Variants in GRAP2 observed in about 807,000 individuals in gnomAD.
GRAP2 encodes the protein GRB2-related adapter protein 2.
GRAP2 carries 31 observed loss-of-function variants against 43.5 expected under a neutral mutation model. That is an observed-to-expected ratio of 0.71 (90% CI 0.54 to 0.96). GRAP2 has a LOEUF of 0.96. Ranked by LOEUF, GRAP2 falls within the 40% of genes least tolerant of loss-of-function variation. GRAP2 has a pLI of 0.00. For missense variants in GRAP2, 371 were observed against 424.4 expected (o/e 0.87, Z 1.11); for synonymous variants, 156 against 164.8 (o/e 0.95, Z 0.41).
intron 2 of GRAP2, among the ~76,000 whole-genome samples, chr22:39,949,051 T>A (rs2066954267): frequency 1.3e-5 from 2 of 152,198 alleles, no homozygotes; most frequent in Non-Finnish European, 2.9e-5. Context: ...GCTCTGGCCT[T>A]GCTCTTGAAC....
intron 1 of GRAP2, among the ~76,000 whole-genome samples, chr22:39,939,481 G>A (rs910605543): frequency 6.9e-6 from 1 of 144,886 alleles, no homozygotes; most frequent in African/African-American, 2.6e-5. Context: ...AGAATAGCAT[G>A]AACCCGGGAG....
At chr22:39,894,972 C>T in the GRAP2 span, among the ~76,000 whole-genome samples, 1,050 of 152,162 alleles carry the variant, frequency 6.9e-3, 14 homozygotes, top group African/African-American at 0.023. Flanking sequence ...TAGAGGAGGA[C>T]GTAAGAGGCA....
At position 39,955,884 on chromosome 22, in the gene GRAP2, G is replaced by A; in HGVS notation, c.144G>A (p.Lys48=). The A allele has an allele frequency of 6.4e-7, 1 of 1,560,720 alleles. No homozygotes were observed. The highest frequency in any genetic ancestry group is 1.1e-5 in the South Asian group (1 of 90,062). ...ELGSQEGYVP[K]NFIDIQFPKW... ...GGAGCCAGGAAGGATATGTGCCCAAGAATTTCATAGACATCCAGTTTCCCA... is the reference window on the plus strand; with the variant it reads ...GGAGCCAGGAAGGATATGTGCCCAAAAATTTCATAGACATCCAGTTTCCCA... The change falls in exon 3 of 8, where the codon AAG becomes AAA. Residue 48 remains lysine (K), a synonymous_variant. Coordinates refer to ENST00000344138, the MANE Select transcript of GRAP2 (RefSeq NM_004810.4).
At chr22:39,894,402 C>T in the GRAP2 span, among the ~76,000 whole-genome samples, 1 of 115,922 alleles carries the variant, frequency 8.6e-6, no homozygotes, top group Non-Finnish European at 1.6e-5. Flanking sequence ...GAACATCACA[C>T]TCTGGGGACT....
Position 39,970,924 on chromosome 22 carries a change from C to T in GRAP2, c.833C>T (p.Ala278Val), listed in dbSNP as rs761211125. The T allele has an allele frequency of 9.1e-5, 146 of 1,609,200 alleles. No individual in the cohort carries two copies. In the East Asian group the frequency reaches 3.1e-3, roughly 34 times the overall value. The change falls in exon 8 of 8, where the codon GCG (alanine) becomes GTG (valine). Residue 278 changes from alanine to valine, a missense_variant. Physicochemically the swap from Ala to Val is moderately conservative, Grantham distance 64 (BLOSUM62 0). Transcript: ENST00000344138. ...CAACAGCGAGTGCGGTGGGCCCGGG[C>T]GCTGTATGACTTTGAGGCCCTGGAG... ...QAAGRVRWAR[A>V]LYDFEALEDD...
intron 1 of GRAP2, among the ~76,000 whole-genome samples, chr22:39,906,515 G>C (rs1348284146): frequency 6.6e-6 from 1 of 151,910 alleles, no homozygotes; most frequent in Non-Finnish European, 1.5e-5. Flanking sequence ...AAGCTCTCAA[G>C]TGTAATTTTC....
At position 39,968,274 on chromosome 22, in the gene GRAP2, T is replaced by C; in HGVS notation, c.690+2T>C. ...CTGCAGCACCACCATTTCCACCAGG[T>C]ATCTGGAAAGAAGGCAGTGGGCACA... is the stretch of plus-strand genomic sequence containing the variant. On this transcript the variant is annotated splice_donor_variant, in intron 6 of 7. Coordinates refer to ENST00000344138, the MANE Select transcript of GRAP2 (RefSeq NM_004810.4). LOFTEE classifies it high-confidence loss of function. 6.2e-7 allele frequency: 1 copy of C among 1,613,104 alleles called. No homozygotes were observed. The highest frequency in any genetic ancestry group is 8.5e-7 in the Non-Finnish European group (1 of 1,179,368).
intron 1 of GRAP2, among the ~76,000 whole-genome samples, chr22:39,903,470 T>G: frequency 6.9e-6 from 1 of 144,226 alleles, no homozygotes; most frequent in Non-Finnish European, 1.5e-5. Context: ...CACAGCCTCA[T>G]GAGTCTTTTT....
intron 4 of GRAP2, chr22:39,960,424 G>A (rs546282246): frequency 2.6e-4 from 117 of 442,812 alleles, no homozygotes; most frequent in African/African-American, 2.2e-3. Flanking sequence ...TTCTAGCCCA[G>A]GTGCTTCTGG....
intron 4 of GRAP2, chr22:39,964,361 G>C: frequency 1.4e-6 from 1 of 717,446 alleles, no homozygotes; most frequent in Non-Finnish European, 2.5e-6. Context: ...TCTGGGGAAG[G>C]GGCGGCAGGC....
intron 1 of GRAP2, among the ~76,000 whole-genome samples, chr22:39,939,802 G>A (rs1173689359): frequency 6.6e-6 from 1 of 151,756 alleles, no homozygotes; most frequent in Non-Finnish European, 1.5e-5. Flanking sequence ...TCAGCTACTC[G>A]GGAAGCTGAG....
chr22:39,923,947 C>T (rs1601700145), intron 1 of GRAP2, among the ~76,000 whole-genome samples: 2 of 152,272 alleles, frequency 1.3e-5, no homozygotes, highest in Non-Finnish European at 2.9e-5. Context: ...GATTTAATGC[C>T]AGTTCCTCTT....
At chr22:39,950,393 C>T (rs1013077006) in intron 2 of GRAP2, among the ~76,000 whole-genome samples, 2 of 152,170 alleles carry the variant, frequency 1.3e-5, no homozygotes, top group African/African-American at 2.4e-5. Context: ...GCCTTTGCCC[C>T]GTGGGATCCT....
Position 39,960,049 on chromosome 22 carries a change from C to T in GRAP2, c.171-6C>T, listed in dbSNP as rs1409260235. On this transcript the variant is annotated splice_region_variant and splice_polypyrimidine_tract_variant and intron_variant, in intron 3 of 7. Coordinates refer to ENST00000344138, the MANE Select transcript of GRAP2 (RefSeq NM_004810.4). ...CTGATCCTTTTGTTTGATCTCGCCC[C>T]CACAGATGGTTTCACGAAGGCCTCT... 6.2e-7 allele frequency: 1 copy of T among 1,613,670 alleles called. No homozygotes were observed. The highest frequency in any genetic ancestry group is 8.5e-7 in the Non-Finnish European group (1 of 1,179,604).
At chr22:39,911,380 A>AGG in intron 1 of GRAP2, among the ~76,000 whole-genome samples, 5 of 151,478 alleles carry the variant, frequency 3.3e-5, no homozygotes, top group African/African-American at 1.2e-4. Context: ...TCTTCCCTCC[A>AGG]TCACCTCCCC....
At chr22:39,921,911 T>C (rs2066656087) in intron 1 of GRAP2, among the ~76,000 whole-genome samples, 1 of 152,122 alleles carries the variant, frequency 6.6e-6, no homozygotes, top group Admixed American at 6.5e-5. Context: ...GCTCAAGCAA[T>C]CCTCCAGCCT....
chr22:39,973,168 C>T lies in GRAP2; in HGVS notation c.*2084C>T, dbSNP rs1305368234. ...AAGCCATAAGTAATGTTTGATTTTA[C>T]AGTATTTACAAACCATATGCTTTAA... On this transcript the variant is annotated 3_prime_UTR_variant, in exon 8 of 8. Coordinates refer to ENST00000344138, the MANE Select transcript of GRAP2 (RefSeq NM_004810.4). The T allele has an allele frequency of 6.6e-6, 1 of 152,230 alleles. No individual in the cohort carries two copies. The highest frequency in any genetic ancestry group is 2.4e-5 in the African/African-American group (1 of 41,424). The allele number at this position is 152,230 out of a possible 1,614,324, so 9.4% of individuals were successfully genotyped here.
chr22:39,902,826 CAT>C (rs969879414), intron 1 of GRAP2, among the ~76,000 whole-genome samples: 3 of 152,188 alleles, frequency 2.0e-5, no homozygotes, highest in Admixed American at 6.5e-5. Context: ...AATGAGTTAA[CAT>C]AGATATGAAG....
rs367728516 is a variant in GRAP2 at position 39,966,075 on chromosome 22, A to G, written c.376A>G (p.Asn126Asp). ...FLWTEKFPSLNKLVDYYRTNS... is the reference protein window; with the variant it reads ...FLWTEKFPSLDKLVDYYRTNS... The stretch of plus-strand genomic sequence containing the variant: ...GTGGACTGAGAAGTTTCCATCCCTA[A>G]ATAAGCTGGTAGACTACTACAGGAC... The change falls in exon 5 of 8, where the codon AAT (asparagine) becomes GAT (aspartate). Residue 126 changes from asparagine to aspartate, a missense_variant. Asn to Asp is a conservative substitution (Grantham distance 23, BLOSUM62 1). Transcript: ENST00000344138. 1.2e-6 allele frequency: 2 copies of G among 1,613,844 alleles called. No homozygotes were observed. The highest frequency in any genetic ancestry group is 1.7e-6 in the Non-Finnish European group (2 of 1,179,664).
Sources: gnomAD v4.1 joint callset for allele counts (sites outside exome capture counted in the v4.1 genomes callset) on GRCh38, gnomAD v4.1.1 for gene constraint, MANE v1.5 for transcripts, NCBI Gene and HGNC (gene_info 2026-07-23, HGNC 2026-07-21) for gene names.